WASHC5: variants seen among roughly 807,000 people sequenced by gnomAD.
WASHC5 encodes the protein WASH complex subunit strumpellin.
In WASHC5, 101 loss-of-function variants were observed where a neutral mutation model predicts 150.4. The ratio of observed to expected loss-of-function variants is 0.67; its 90% CI spans 0.57 to 0.79. The LOEUF is 0.79. Ranked by LOEUF, WASHC5 falls within the 30% of genes least tolerant of loss-of-function variation. The probability of loss-of-function intolerance (pLI) is 0.00; values close to 1 mark genes in which losing one functional copy is unlikely to be tolerated. For missense variants in WASHC5, 1,195 were observed against 1,396.3 expected (o/e 0.86, Z 2.30); for synonymous variants, 467 against 491.2 (o/e 0.95, Z 0.65).
chr8:125,070,491 G>A (rs866570892), intron 9 of WASHC5, among the ~76,000 whole-genome samples: 1 of 152,186 alleles, frequency 6.6e-6, no homozygotes, highest in Non-Finnish European at 1.5e-5. Flanking sequence ...ACATAGACAG[G>A]GCCGTCAGGC....
chr8:125,025,205 G>C (rs540694500), intron 28 of WASHC5, among the ~76,000 whole-genome samples: 8 of 152,266 alleles, frequency 5.3e-5, no homozygotes, highest in Middle Eastern at 3.4e-3. Flanking sequence ...AGAATGTAGA[G>C]GTAGGTGATC....
At chr8:125,074,820 A>G (rs747670568) in intron 8 of WASHC5, among the ~76,000 whole-genome samples, 178 bp downstream of exon 8, 3 of 152,208 alleles carry the variant, frequency 2.0e-5, no homozygotes, top group Non-Finnish European at 4.4e-5. Flanking sequence ...TATACTATAT[A>G]ACAAAACCTA....
At chr8:125,077,530 C>A (rs761078205) in intron 6 of WASHC5, among the ~76,000 whole-genome samples, 8 of 152,164 alleles carry the variant, frequency 5.3e-5, no homozygotes, top group Non-Finnish European at 1.0e-4. Context: ...ACAATCACAG[C>A]TTAACCCTTG....
intron 20 of WASHC5, 95 bp downstream of exon 20, chr8:125,047,112 C>A: frequency 6.9e-7 from 1 of 1,456,366 alleles, no homozygotes; most frequent in Non-Finnish European, 9.6e-7. Flanking sequence ...AGTGCAGGAC[C>A]CCCGTGACTG....
chr8:125,058,380 C>A (rs1006814104), intron 14 of WASHC5, among the ~76,000 whole-genome samples: 1 of 151,674 alleles, frequency 6.6e-6, no homozygotes, highest in Non-Finnish European at 1.5e-5. Context: ...AAACCCCATC[C>A]CCCTCACTCC....
intron 21 of WASHC5, 171 bp downstream of exon 21, chr8:125,044,365 A>G (rs1327984409): frequency 1.3e-6 from 1 of 773,374 alleles, no homozygotes; most frequent in Non-Finnish European, 2.2e-6. Flanking sequence ...TGCTGGCCAA[A>G]CAAATTCTAG....
chr8:125,059,209 G>C lies in WASHC5; in HGVS notation c.1764+13C>G. On this transcript the variant is annotated intron_variant, in intron 14 of 28. Transcript: ENST00000318410. ...TTTCCTAGCAACAGAGAATCTCACT[G>C]TTTTTTGCTTACCTTTAGGAAGGTA... 6.3e-7 allele frequency: 1 copy of C among 1,597,336 alleles called. No homozygotes were observed. Among genetic ancestry groups the C allele is most frequent in the African/African-American group, 1.3e-5 (1 of 74,498 alleles).
intron 28 of WASHC5, among the ~76,000 whole-genome samples, chr8:125,025,921 A>C (rs1815370012): frequency 6.6e-6 from 1 of 151,978 alleles, no homozygotes; most frequent in Non-Finnish European, 1.5e-5. Flanking sequence ...TATATTATGA[A>C]CATCCTTGGG....
At chr8:125,075,914 T>C (rs1425837821) in intron 7 of WASHC5, among the ~76,000 whole-genome samples, 1 of 152,220 alleles carries the variant, frequency 6.6e-6, no homozygotes, top group Non-Finnish European at 1.5e-5. Context: ...CTTGCAATAA[T>C]ATAAACTTTA....
chr8:125,063,440 T>C, intron 11 of WASHC5, 82 bp downstream of exon 11: 1 of 1,428,638 alleles, frequency 7.0e-7, no homozygotes, highest in East Asian at 2.3e-5. Flanking sequence ...ACATAAAGTC[T>C]TTTTAACCTG....
In WASHC5 at chr8:125,038,885, A is replaced by G. The variant is rs749808080; in HGVS notation, c.3029T>C (p.Leu1010Ser). Residue 1010 changes from leucine (L) to serine (S), a missense_variant, in exon 25 of 29, where the codon TTA becomes TCA. Physicochemically the swap from Leu to Ser is moderately radical, Grantham distance 145 (BLOSUM62 -2). Transcript: ENST00000318410. Reference sequence around the variant, plus strand: ...CTCCAGATAGGCTGTGATTTCATATAAAAGTGTGTTATCTTCTTTGGGGTA... The same window carrying G: ...CTCCAGATAGGCTGTGATTTCATATGAAAGTGTGTTATCTTCTTTGGGGTA... ...LPYPKEDNTL[L>S]YEITAYLEAA... 2 of 1,614,126 alleles carry G rather than the reference A, an allele frequency of 1.2e-6. No homozygotes were observed. The highest frequency in any genetic ancestry group is 1.7e-6 in the Non-Finnish European group (2 of 1,179,944).
At chr8:125,056,343 CA>C (rs1816406459) in intron 16 of WASHC5, among the ~76,000 whole-genome samples, 2 of 152,070 alleles carry the variant, frequency 1.3e-5, no homozygotes, top group African/African-American at 4.8e-5. Context: ...TTGAGCTGCT[CA>C]AAAAGGAACA....
chr8:125,089,923 A>C (rs532313801), intron 1 of WASHC5, among the ~76,000 whole-genome samples: 1 of 138,810 alleles, frequency 7.2e-6, no homozygotes. Context: ...AATTCTATAT[A>C]TAAACTTTAT....
intron 9 of WASHC5, among the ~76,000 whole-genome samples, chr8:125,069,990 G>A (rs1256196696): frequency 6.6e-6 from 1 of 152,138 alleles, no homozygotes; most frequent in Non-Finnish European, 1.5e-5. Context: ...TAGCTTCTTG[G>A]TATAAACCAG....
rs1379346580 is a variant in WASHC5 at position 125,024,393 on chromosome 8, G to C, written c.*224C>G. On this transcript the variant is annotated 3_prime_UTR_variant, in exon 29 of 29. Transcript: ENST00000318410. ...GAGAGGCAGTACAAAAATGTGTTCT[G>C]CTTTTATCTGATATAAATTGCATGT... 1 of 592,672 alleles carries C rather than the reference G, an allele frequency of 1.7e-6. No homozygotes were observed. The highest frequency in any genetic ancestry group is 3.1e-6 in the Non-Finnish European group (1 of 326,830). The allele number at this position is 592,672 out of a possible 1,614,324, so 36.7% of individuals were successfully genotyped here.
chr8:125,039,400 G>A (rs1258464256), intron 24 of WASHC5, among the ~76,000 whole-genome samples: 1 of 152,170 alleles, frequency 6.6e-6, no homozygotes, highest in African/African-American at 2.4e-5. Flanking sequence ...TCTGGATGAT[G>A]AGTGATCAGC....
chr8:125,049,222 A>G (rs1816165576), intron 18 of WASHC5, 37 bp from the exon 19 acceptor site: 1 of 1,604,974 alleles, frequency 6.2e-7, no homozygotes, highest in East Asian at 2.2e-5. Flanking sequence ...CTTACACTGG[A>G]GTAGATTGTC....
In WASHC5 at chr8:125,078,777, C is replaced by T. The variant is rs748469220; in HGVS notation, c.672G>A (p.Met224Ile). 15 of 1,613,790 alleles carry T rather than the reference C, an allele frequency of 9.3e-6. No homozygotes were observed. The South Asian group carries it at 1.5e-4, about 17-fold the overall frequency. Reference protein sequence around the residue: ...RVPINESFISMVIGRLRSDDI... With the variant: ...RVPINESFISIVIGRLRSDDI... ...CATCAGATCTCAGTCGACCAATGAC[C>T]ATACTGATGAAGGATTCGTTGATAG... Residue 224 changes from methionine (M) to isoleucine (I), a missense_variant, in exon 6 of 29, where the codon ATG becomes ATA. This residue lies in a region of WASHC5 where 997 missense variants were observed against 1,168.1 expected (regional missense o/e 0.85). Transcript: ENST00000318410.
chr8:125,050,117 A>G (rs1384668648), intron 18 of WASHC5, among the ~76,000 whole-genome samples: 2 of 152,152 alleles, frequency 1.3e-5, no homozygotes, highest in East Asian at 3.8e-4. Flanking sequence ...GATAATAAAG[A>G]TCCTAAATAG....
Sources: gnomAD v4.1 joint callset for allele counts (sites outside exome capture counted in the v4.1 genomes callset) on GRCh38, gnomAD v4.1.1 for gene constraint, gnomAD v4.1.1 regional missense constraint, MANE v1.5 for transcripts, NCBI Gene and HGNC (gene_info 2026-07-23, HGNC 2026-07-21) for gene names.